Variants in ZNF521 observed in about 807,000 individuals in gnomAD.
ZNF521 encodes LYST-interacting protein 3.
Under a neutral mutation model 105.5 loss-of-function variants are expected in ZNF521, and 14 were observed. The ratio of observed to expected loss-of-function variants is 0.13; its 90% CI spans 0.09 to 0.21. ZNF521 has a LOEUF of 0.21. ZNF521 is among the 10% of genes least tolerant of loss of function. The pLI, the probability that ZNF521 is intolerant of heterozygous loss-of-function variation, is 1.00. For synonymous variants in ZNF521, 635 were observed against 606.0 expected (o/e 1.05, Z -0.70); for missense variants, 1,233 against 1,629.7 (o/e 0.76, Z 4.19).
In ZNF521 at chr18:25,143,304, T is replaced by C. The variant is rs376800534; in HGVS notation, c.3659-51223A>G. 1.2e-3 allele frequency among the ~76,000 whole-genome samples: 176 copies of C among 150,920 alleles called. 3 individuals are homozygous for C. The South Asian group carries it at 0.035, about 30-fold the overall frequency. On this transcript the variant is annotated intron_variant, in intron 5 of 7. Coordinates refer to ENST00000361524, the MANE Select transcript of ZNF521 (RefSeq NM_015461.3). ...ATGCCTAAACAGAAATTTATTATCA[T>C]GTCAAGCTGGTAAGAGACGGGGATA...
intron 4 of ZNF521, among the ~76,000 whole-genome samples, chr18:25,216,685 A>T (rs1365336726): frequency 3.9e-5 from 6 of 152,110 alleles, no homozygotes; most frequent in Non-Finnish European, 8.8e-5. Context: ...CAGCCTCCTG[A>T]GTAGCTAGAA....
chr18:25,121,213 G>A (rs375803019), intron 5 of ZNF521, among the ~76,000 whole-genome samples: 15 of 141,126 alleles, frequency 1.1e-4, no homozygotes, highest in African/African-American at 3.2e-4. Context: ...CCAGGTTCAC[G>A]CCATTCTCCT....
At chr18:25,294,626 C>T (rs539468390) in intron 3 of ZNF521, among the ~76,000 whole-genome samples, 16 of 151,730 alleles carry the variant, frequency 1.1e-4, no homozygotes, top group South Asian at 2.1e-4. Flanking sequence ...GGAGGCTGAG[C>T]GGGGCAGATC....
At chr18:25,078,827 C>T (rs935801665) in intron 7 of ZNF521, among the ~76,000 whole-genome samples, 3 of 152,230 alleles carry the variant, frequency 2.0e-5, no homozygotes, top group South Asian at 2.1e-4. Context: ...AGCACACGCC[C>T]TCTGCATGTC....
rs2032914201 is a variant in ZNF521, at chr18:25,062,207, G to C, written c.*505C>G. 4.8e-6 allele frequency: 1 copy of C among 209,540 alleles called. No homozygotes were observed. Among genetic ancestry groups the C allele is most frequent in the Non-Finnish European group, 9.6e-6 (1 of 103,914 alleles). The allele number at this position is 209,540 out of a possible 1,614,324, so 13.0% of individuals were successfully genotyped here. A position where few individuals can be genotyped will look rare whatever the true frequency, so the allele number is the denominator to read the frequency against. ...AATATATATATACGGGCCTTATCCA[G>C]CTGTGGGGTTCTGTTCTGTGAGAAC... is the stretch of plus-strand genomic sequence containing the variant. On this transcript the variant is annotated 3_prime_UTR_variant, in exon 8 of 8. Coordinates refer to ENST00000361524, the MANE Select transcript of ZNF521 (RefSeq NM_015461.3).
chr18:25,292,295 T>A (rs979329860), intron 3 of ZNF521, among the ~76,000 whole-genome samples: 5 of 150,320 alleles, frequency 3.3e-5, no homozygotes, highest in Admixed American at 6.7e-5. Context: ...GTGAAAAAAA[T>A]GTCTAATTTC....
intron 5 of ZNF521, among the ~76,000 whole-genome samples, chr18:25,193,895 A>G (rs2035859638): frequency 6.6e-6 from 1 of 151,916 alleles, no homozygotes; most frequent in Non-Finnish European, 1.5e-5. Context: ...ATAAGCTCTT[A>G]GTCATTTATA....
rs578061242 is a variant in ZNF521 at position 25,241,811 on chromosome 18, A to G, written c.221-14114T>C. Reference sequence around the variant, plus strand: ...GAAAAACCATTATTTGTAAGTATTCAGGCCAATCTGTGTGCCTTCCACATC... The same window carrying G: ...GAAAAACCATTATTTGTAAGTATTCGGGCCAATCTGTGTGCCTTCCACATC... On this transcript the variant is annotated intron_variant, in intron 3 of 7. Transcript: ENST00000361524. Among the ~76,000 whole-genome samples the G allele has an allele frequency of 2.0e-5, 3 of 152,336 alleles. No homozygotes were observed. In the South Asian group the frequency reaches 6.2e-4, roughly 32 times the overall value.
chr18:25,199,855 AGTTTTTGTTTTT>A (rs2035962306), intron 4 of ZNF521, among the ~76,000 whole-genome samples: 1 of 152,058 alleles, frequency 6.6e-6, no homozygotes, highest in African/African-American at 2.4e-5. Flanking sequence ...TTGTTTGTGA[AGTTTTTGTTTTT>A]GTTTTTTACA....
chr18:25,208,738 C>T (rs2036125810), intron 4 of ZNF521, among the ~76,000 whole-genome samples: 1 of 152,172 alleles, frequency 6.6e-6, no homozygotes, highest in Non-Finnish European at 1.5e-5. Context: ...CAACTTGTTA[C>T]ACTGTTTAGA....
chr18:25,238,076 C>T (rs1192999399), intron 3 of ZNF521, among the ~76,000 whole-genome samples: 1 of 152,170 alleles, frequency 6.6e-6, no homozygotes, highest in African/African-American at 2.4e-5. Flanking sequence ...CTGAAACCCA[C>T]ATCCAAATCT....
At chr18:25,179,686 T>C (rs2035597836) in intron 5 of ZNF521, among the ~76,000 whole-genome samples, 1 of 152,216 alleles carries the variant, frequency 6.6e-6, no homozygotes, top group South Asian at 2.1e-4. Context: ...AATATCTCTC[T>C]TTCAAATATC....
At chr18:25,143,831 G>T (rs2034895610) in intron 5 of ZNF521, among the ~76,000 whole-genome samples, 1 of 152,088 alleles carries the variant, frequency 6.6e-6, no homozygotes. Flanking sequence ...TGTTCAATTT[G>T]TCCTCTTACT....
intron 5 of ZNF521, among the ~76,000 whole-genome samples, chr18:25,160,835 GT>G (rs2035238350): frequency 6.6e-6 from 1 of 152,132 alleles, no homozygotes; most frequent in Admixed American, 6.5e-5. Flanking sequence ...ATATGTGTGT[GT>G]TTTTTCTGTT....
intron 2 of ZNF521, among the ~76,000 whole-genome samples, chr18:25,349,630 C>T (rs2145235509): frequency 6.6e-6 from 1 of 152,052 alleles, no homozygotes; most frequent in South Asian, 2.1e-4. Context: ...CCGGGCCCTG[C>T]CCACCCCTTT....
At chr18:25,148,483 C>A (rs1055904831) in intron 5 of ZNF521, among the ~76,000 whole-genome samples, 3 of 152,074 alleles carry the variant, frequency 2.0e-5, no homozygotes, top group Admixed American at 2.0e-4. Flanking sequence ...TCCTTCTCTC[C>A]TTCTTCTTTC....
chr18:25,173,874 A>C (rs1467436947), intron 5 of ZNF521, among the ~76,000 whole-genome samples: 1 of 152,182 alleles, frequency 6.6e-6, no homozygotes, highest in Non-Finnish European at 1.5e-5. Context: ...TAATTCCTCT[A>C]TTCTTCCCTT....
In ZNF521 at chr18:25,350,915, G is replaced by A. The variant is rs1914722248; in HGVS notation, c.32C>T (p.Ser11Phe). Residue 11 changes from serine (S) to phenylalanine (F), a missense_variant, in exon 2 of 8, where the codon TCC becomes TTC. This residue lies in a region of ZNF521 where 76 missense variants were observed against 79.3 expected (regional missense o/e 0.96). Coordinates refer to ENST00000361524, the MANE Select transcript of ZNF521 (RefSeq NM_015461.3). MSRRKQAKPR[S>F]LKDPNCKLED... Reference sequence around the variant, plus strand: ...AGGGGGTTCCTCCTTACCTTTGAGGGATCTCGGTTTCGCTTGCTTGCGGCG... The same window carrying A: ...AGGGGGTTCCTCCTTACCTTTGAGGAATCTCGGTTTCGCTTGCTTGCGGCG... 1.3e-6 allele frequency: 2 copies of A among 1,551,022 alleles called. No homozygotes were observed. Among genetic ancestry groups the A allele is most frequent in the Non-Finnish European group, 1.7e-6 (2 of 1,146,516 alleles).
intron 5 of ZNF521, among the ~76,000 whole-genome samples, chr18:25,176,094 C>T (rs1202322582): frequency 6.6e-6 from 1 of 152,196 alleles, no homozygotes; most frequent in African/African-American, 2.4e-5. Context: ...AATGAGTATG[C>T]AGCTTTCCAT....
Sources: gnomAD v4.1 joint callset for allele counts (sites outside exome capture counted in the v4.1 genomes callset) on GRCh38, gnomAD v4.1.1 for gene constraint, gnomAD v4.1.1 regional missense constraint, MANE v1.5 for transcripts, NCBI Gene and HGNC (gene_info 2026-07-23, HGNC 2026-07-21) for gene names.